R3HDM2: variants seen among roughly 807,000 people sequenced by gnomAD.
R3HDM2 encodes the protein R3H domain containing 2.
R3HDM2 carries 38 observed loss-of-function variants against 124.5 expected under a neutral mutation model. That is an observed-to-expected ratio of 0.31 (90% CI 0.24 to 0.40). The LOEUF is 0.40. Among genes scored for constraint, R3HDM2 ranks in the 10% least tolerant of loss-of-function variants. R3HDM2 has a pLI of 1.00. For missense variants in R3HDM2, 869 were observed against 1,236.9 expected (o/e 0.70, Z 4.46); for synonymous variants, 391 against 448.0 (o/e 0.87, Z 1.61).
chr12:57,354,497 T>C (rs2061036531), intron 2 of R3HDM2, among the ~76,000 whole-genome samples: 1 of 152,102 alleles, frequency 6.6e-6, no homozygotes, highest in Non-Finnish European at 1.5e-5. Context: ...TTTCACCATG[T>C]TGGCCAGGCT....
chr12:57,278,790 G>A (rs138841762), intron 14 of R3HDM2, among the ~76,000 whole-genome samples: 172 of 152,242 alleles, frequency 1.1e-3, no homozygotes, highest in African/African-American at 4.0e-3. Context: ...ATTACATTTA[G>A]ACACAAAGTA....
At position 57,258,056 on chromosome 12, in the gene R3HDM2, C is replaced by T; in HGVS notation, c.2383G>A (p.Val795Ile). ...GGCAGGGGACTGAGTCCTGTGCAGA[C>T]ACTGCTGAGGCTGGTGACAGGAGAG... is the stretch of plus-strand genomic sequence containing the variant. ...APSPVTSLSS[V>I]CTGLSPLPVL... Residue 795 changes from valine (V) to isoleucine (I), a missense_variant, in exon 21 of 24, where the codon GTC becomes ATC. Val to Ile is a conservative substitution (Grantham distance 29). Around this residue, in one of 2 missense-constraint regions of R3HDM2, gnomAD observed 602 missense variants for 789.2 expected, o/e 0.76. Coordinates refer to ENST00000402412, the MANE Select transcript of R3HDM2 (RefSeq NM_001394031.1). 1.2e-6 allele frequency: 2 copies of T among 1,603,118 alleles called. No individual in the cohort carries two copies. Among genetic ancestry groups the T allele is most frequent in the Non-Finnish European group, 1.7e-6 (2 of 1,172,538 alleles).
At chr12:57,325,810 C>A (rs1472353041) in intron 2 of R3HDM2, among the ~76,000 whole-genome samples, 6 of 151,732 alleles carry the variant, frequency 4.0e-5, no homozygotes, top group Non-Finnish European at 5.9e-5. Context: ...TCCCAAAGTG[C>A]CAGATTACAG....
chr12:57,283,038 T>C (rs1042733390), intron 13 of R3HDM2, among the ~76,000 whole-genome samples: 3 of 152,234 alleles, frequency 2.0e-5, no homozygotes, highest in Non-Finnish European at 2.9e-5. Context: ...TAGGAGTGTC[T>C]GCTCCTTTCC....
intron 2 of R3HDM2, among the ~76,000 whole-genome samples, chr12:57,390,181 A>G (rs1016298742): frequency 6.1e-5 from 9 of 148,504 alleles, no homozygotes; most frequent in Admixed American, 2.0e-4. Flanking sequence ...CTAAAAAAAA[A>G]AAAGAAAGAA....
intron 2 of R3HDM2, among the ~76,000 whole-genome samples, chr12:57,335,485 C>T (rs185257608): frequency 4.8e-4 from 69 of 142,868 alleles, no homozygotes; most frequent in African/African-American, 1.6e-3. Context: ...CCATCACGCC[C>T]GGCCACCTTT....
intron 3 of R3HDM2, chr12:57,304,530 C>A (rs986588887): frequency 2.0e-6 from 2 of 982,838 alleles, no homozygotes; most frequent in African/African-American, 1.8e-5. Context: ...CACTAGTTAG[C>A]AAATAACACG....
intron 2 of R3HDM2, among the ~76,000 whole-genome samples, chr12:57,390,838 C>G (rs2066559255): frequency 6.6e-6 from 1 of 152,084 alleles, no homozygotes; most frequent in African/African-American, 2.4e-5. Context: ...TGGTGAAACC[C>G]TGTCTCTACT....
chr12:57,349,935 G>A (rs1480449391), intron 2 of R3HDM2, among the ~76,000 whole-genome samples: 2 of 151,742 alleles, frequency 1.3e-5, no homozygotes, highest in African/African-American at 2.4e-5. Flanking sequence ...AAACTCAACC[G>A]GGCACAATGG....
chr12:57,264,520 C>T (rs1050714264), intron 19 of R3HDM2, among the ~76,000 whole-genome samples: 3 of 151,150 alleles, frequency 2.0e-5, no homozygotes, highest in Admixed American at 1.3e-4. Flanking sequence ...TGCAGTGAGC[C>T]GAGATTGCAC....
chr12:57,263,762 CATGCCTGGCCT>C (rs893032047), intron 19 of R3HDM2, among the ~76,000 whole-genome samples: 6 of 152,198 alleles, frequency 3.9e-5, no homozygotes, highest in African/African-American at 1.4e-4. Context: ...CATGAGACAC[CATGCCTGGCCT>C]GGAAGTCATT....
Position 57,297,349 on chromosome 12 carries a change from A to C in R3HDM2, c.539T>G (p.Leu180Arg). 6.6e-7 allele frequency: 1 copy of C among 1,520,984 alleles called. No individual in the cohort carries two copies. The highest frequency in any genetic ancestry group is 8.9e-7 in the Non-Finnish European group (1 of 1,120,826). The allele number at this position is 1,520,984 out of a possible 1,614,324, so 94.2% of individuals were successfully genotyped here. ...TTACTTGTTGTCATTAATAAATTCC[A>C]GAATCTCCTGTTCTAATTTTAGCAG... is the stretch of plus-strand genomic sequence containing the variant. ...MMLLKLEQEILEFINDNNNQF... is the reference protein window; with the variant it reads ...MMLLKLEQEIREFINDNNNQF... Residue 180 changes from leucine (L) to arginine (R), a missense_variant, in exon 8 of 24, where the codon CTG becomes CGG. Physicochemically the swap from Leu to Arg is moderately radical, Grantham distance 102 (BLOSUM62 -2). Coordinates refer to ENST00000402412, the MANE Select transcript of R3HDM2 (RefSeq NM_001394031.1).
chr12:57,340,150 A>T (rs1436586571), intron 2 of R3HDM2, among the ~76,000 whole-genome samples: 2 of 152,194 alleles, frequency 1.3e-5, no homozygotes, highest in Non-Finnish European at 2.9e-5. Context: ...CTTTAGGTCT[A>T]TCTTATCTAC....
chr12:57,408,391 T>G (rs1300357210), intron 1 of R3HDM2, among the ~76,000 whole-genome samples: 1 of 152,194 alleles, frequency 6.6e-6, no homozygotes, highest in Admixed American at 6.5e-5. Flanking sequence ...AGATACATGC[T>G]GATATATTTA....
intron 20 of R3HDM2, among the ~76,000 whole-genome samples, chr12:57,258,650 T>A (rs1293515911): frequency 1.3e-5 from 2 of 152,202 alleles, no homozygotes; most frequent in Non-Finnish European, 2.9e-5. Context: ...TATGTTATTT[T>A]AATATCCATT....
At chr12:57,403,110 C>T (rs2068193190) in intron 1 of R3HDM2, among the ~76,000 whole-genome samples, 1 of 151,708 alleles carries the variant, frequency 6.6e-6, no homozygotes, top group Non-Finnish European at 1.5e-5. Flanking sequence ...AATCCCAGCA[C>T]TTTAGGAGGC....
At chr12:57,287,395 G>A (rs895877672) in intron 12 of R3HDM2, among the ~76,000 whole-genome samples, 2 of 152,126 alleles carry the variant, frequency 1.3e-5, no homozygotes. Context: ...TTTAATGCAG[G>A]GGACTCTATC....
At chr12:57,332,227 T>G (rs1345816681) in intron 2 of R3HDM2, among the ~76,000 whole-genome samples, 1 of 151,340 alleles carries the variant, frequency 6.6e-6, no homozygotes, top group Non-Finnish European at 1.5e-5. Flanking sequence ...CTGAGCAACA[T>G]AGTGGAACCC....
intron 2 of R3HDM2, among the ~76,000 whole-genome samples, chr12:57,333,526 C>T (rs1019864511): frequency 1.3e-5 from 2 of 151,736 alleles, no homozygotes; most frequent in Admixed American, 1.3e-4. Context: ...CCCGTCTCTA[C>T]TAAAAATACA....
Sources: allele counts gnomAD v4.1 joint callset (sites outside exome capture counted in the v4.1 genomes callset), GRCh38; gene constraint gnomAD v4.1.1; regional missense constraint gnomAD v4.1.1; transcripts MANE v1.5; gene names NCBI Gene and HGNC (gene_info 2026-07-23, HGNC 2026-07-21).